The following PIEZO1 variants were observed in gnomAD, a reference collection of about 807,000 sequenced individuals.
PIEZO1 encodes piezo-type mechanosensitive ion channel component 1.
A neutral mutation model predicts 297.2 loss-of-function variants in PIEZO1; 296 were observed. The observed-to-expected ratio is 1.00, with a 90% confidence interval of 0.91 to 1.10. The LOEUF (loss-of-function observed/expected upper bound fraction) is 1.10, where lower values mean the gene tolerates loss of function less well. Ranked by LOEUF, PIEZO1 falls within the 50% of genes least tolerant of loss-of-function variation. The pLI is 0.00. For synonymous variants in PIEZO1, 2,427 were observed against 1,507.5 expected (o/e 1.61, Z -14.13); for missense variants, 5,018 against 3,455.5 (o/e 1.45, Z -11.34).
Position 88,727,542 on chromosome 16 carries a change from G to C in PIEZO1, c.3301+15C>G. 1.8e-6 allele frequency: 2 copies of C among 1,109,500 alleles called. No individual in the cohort carries two copies. The highest frequency in any genetic ancestry group is 2.6e-6 in the Non-Finnish European group (2 of 766,780). 68.7% of individuals were successfully genotyped at this position (1,109,500 alleles called of 1,614,324 possible). A position where few individuals can be genotyped will look rare whatever the true frequency, so the allele number is the denominator to read the frequency against. ...AGGGTCCTCTGCAGAGGCGGGGGTG[G>C]TGGGGGGCACTCACTGATGAGGTTG... On this transcript the variant is annotated intron_variant, in intron 23 of 50. Transcript: ENST00000301015.
intron 2 of PIEZO1, among the ~76,000 whole-genome samples, chr16:88,746,311 G>C (rs1343379798): frequency 3.3e-5 from 5 of 152,172 alleles, no homozygotes; most frequent in Non-Finnish European, 7.4e-5. Flanking sequence ...TCTCTCTCCA[G>C]ACAGCAGGGT....
intron 1 of PIEZO1, among the ~76,000 whole-genome samples, chr16:88,758,102 C>G (rs1297818442): frequency 6.6e-6 from 1 of 152,108 alleles, no homozygotes; most frequent in African/African-American, 2.4e-5. Context: ...TCCCCAGGAG[C>G]CTCCTCAGCC....
At chr16:88,730,754 A>C (rs1307756442) in intron 22 of PIEZO1, among the ~76,000 whole-genome samples, 1 of 152,224 alleles carries the variant, frequency 6.6e-6, no homozygotes, top group Non-Finnish European at 1.5e-5. Context: ...ATGATGTAAC[A>C]GTGTGTGGCC....
intron 1 of PIEZO1, among the ~76,000 whole-genome samples, chr16:88,770,000 C>T (rs113565159): frequency 0.026 from 3,885 of 152,244 alleles, 165 homozygotes; most frequent in African/African-American, 0.087. Flanking sequence ...CCTGGAGGCT[C>T]GGGACCCCCA....
Position 88,749,573 on chromosome 16 carries a change from C to G in PIEZO1, c.65-94G>C, listed in dbSNP as rs1032885814. 3.1e-6 allele frequency: 3 copies of G among 960,944 alleles called. No individual in the cohort carries two copies. In the African/African-American group the frequency reaches 5.0e-5, roughly 16 times the overall value. 59.5% of individuals were successfully genotyped at this position (960,944 alleles called of 1,614,324 possible). A position where few individuals can be genotyped will look rare whatever the true frequency, so the allele number is the denominator to read the frequency against. ...ACCCACGGCCCAGCTCGTCACACCG[C>G]CGAGGCCGTGTGCCCTGTGAGTGCT... is the stretch of plus-strand genomic sequence containing the variant. On this transcript the variant is annotated intron_variant, in intron 1 of 50. Transcript: ENST00000301015.
chr16:88,728,276 C>T (rs537643104), intron 22 of PIEZO1, among the ~76,000 whole-genome samples: 13 of 152,384 alleles, frequency 8.5e-5, no homozygotes, highest in Admixed American at 2.6e-4. Flanking sequence ...TCCTGGGAGG[C>T]GTGTGAGGCA....
At chr16:88,739,923 C>G (rs1905527062) in intron 5 of PIEZO1, 1 of 152,448 alleles carries the variant, frequency 6.6e-6, no homozygotes, top group Admixed American at 6.5e-5. Context: ...GTGGAAAGAA[C>G]AGAGGCAGCT....
chr16:88,776,680 G>C (rs1002593643), intron 1 of PIEZO1, among the ~76,000 whole-genome samples: 2 of 152,240 alleles, frequency 1.3e-5, no homozygotes, highest in African/African-American at 2.4e-5. Context: ...CAGGGGCAGA[G>C]TAGGGGATTC....
At chr16:88,730,405 C>T (rs906645502) in intron 22 of PIEZO1, among the ~76,000 whole-genome samples, 1 of 151,942 alleles carries the variant, frequency 6.6e-6, no homozygotes, top group East Asian at 1.9e-4. Flanking sequence ...CAAGACCAGC[C>T]TGGCCAAGAT....
intron 44 of PIEZO1, chr16:88,718,248 T>G (rs1912190507): frequency 6.5e-6 from 1 of 153,778 alleles, no homozygotes; most frequent in Non-Finnish European, 1.4e-5. Flanking sequence ...AGTAACAGGT[T>G]GTTGAGGATG....
chr16:88,782,622 A>C (rs1201120548), intron 1 of PIEZO1, among the ~76,000 whole-genome samples: 1 of 152,236 alleles, frequency 6.6e-6, no homozygotes, highest in African/African-American at 2.4e-5. Flanking sequence ...TGTCTGAGCC[A>C]GCGCAGGCAC....
In PIEZO1 at chr16:88,734,675, T is replaced by G; in HGVS notation, c.1972A>C (p.Asn658His). ...QFQDFPAYWR[N>H]LTGFTDEQLG... ...TGCTCGTCGGTGAAGCCAGTGAGGT[T>G]GCGCCAGTAGGCAGGGAAGTCCTGG... The change falls in exon 15 of 51, where the codon AAC (asparagine) becomes CAC (histidine). Residue 658 changes from asparagine (N) to histidine (H), a missense_variant. Coordinates refer to ENST00000301015, the MANE Select transcript of PIEZO1 (RefSeq NM_001142864.4). 1 of 1,550,278 alleles carries G rather than the reference T, an allele frequency of 6.5e-7. No homozygotes were observed. Among genetic ancestry groups the G allele is most frequent in the Non-Finnish European group, 8.7e-7 (1 of 1,146,920 alleles).
chr16:88,716,794 G>A lies in PIEZO1; in HGVS notation c.6753+12C>T. On this transcript the variant is annotated intron_variant, in intron 46 of 50. Coordinates refer to ENST00000301015, the MANE Select transcript of PIEZO1 (RefSeq NM_001142864.4). ...TCCCCACACCAGCTTTCACAGGGCAGAGGCCACTTACCGGCTGGGGGTCAA... is the reference window on the plus strand; with the variant it reads ...TCCCCACACCAGCTTTCACAGGGCAAAGGCCACTTACCGGCTGGGGGTCAA... 6.5e-7 allele frequency: 1 copy of A among 1,549,792 alleles called. No individual in the cohort carries two copies. Among genetic ancestry groups the A allele is most frequent in the Non-Finnish European group, 8.7e-7 (1 of 1,146,932 alleles).
Position 88,715,376 on chromosome 16 carries a change from TAAA to T in PIEZO1, c.*226_*228del, listed in dbSNP as rs113700874. ...TTGTATAAATAAAACATTTTTTAAT[TAAA>T]AAAAAAACTCTACAGTACACGTGGG... On this transcript the variant is annotated 3_prime_UTR_variant, in exon 51 of 51. Transcript: ENST00000301015. 3 of 1,087,758 alleles carry T rather than the reference TAAA, an allele frequency of 2.8e-6. No individual in the cohort carries two copies. Among genetic ancestry groups the T allele is most frequent in the Non-Finnish European group, 3.8e-6 (3 of 789,740 alleles). The allele number at this position is 1,087,758 out of a possible 1,614,324, so 67.4% of individuals were successfully genotyped here.
Position 88,785,101 on chromosome 16 carries a change from T to C in PIEZO1, c.-137A>G, listed in dbSNP as rs1395579747. On this transcript the variant is annotated 5_prime_UTR_variant, in exon 1 of 51. Transcript: ENST00000301015. ...CGCCTTCTCCTCTTCCTCCTTCTCCTTCGGCCGCCCCGCCGGTGCCGACGT... is the reference window on the plus strand; with the variant it reads ...CGCCTTCTCCTCTTCCTCCTTCTCCCTCGGCCGCCCCGCCGGTGCCGACGT... 9.1e-6 allele frequency: 4 copies of C among 437,318 alleles called. No homozygotes were observed. The highest frequency in any genetic ancestry group is 1.0e-4 in the East Asian group (2 of 19,102). 27.1% of individuals were successfully genotyped at this position (437,318 alleles called of 1,614,324 possible).
chr16:88,755,290 C>A (rs57566212), intron 1 of PIEZO1, among the ~76,000 whole-genome samples: 34,378 of 152,228 alleles, frequency 0.23, 4,584 homozygotes, highest in African/African-American at 0.37. Context: ...TGCTGATTAA[C>A]CCCGGGTCTC....
rs765389770 is a variant in PIEZO1 at position 88,716,676 on chromosome 16, A to G, written c.6809T>C (p.Ile2270Thr). 10 of 1,549,160 alleles carry G rather than the reference A, an allele frequency of 6.5e-6. No individual in the cohort carries two copies. In the East Asian group the frequency reaches 7.3e-5, roughly 11 times the overall value. ...YSPEDIVTAQ[I>T]EGSSGALWRI... ...CCACAGCGCCCCGGAGCTGCCCTCA[A>G]TCTGCGCCGTGACGATGTCCTCAGG... is the stretch of plus-strand genomic sequence containing the variant. The change falls in exon 47 of 51, where the codon ATT becomes ACT. Residue 2270 changes from isoleucine to threonine, a missense_variant. Physicochemically the swap from Ile to Thr is moderately conservative, Grantham distance 89 (BLOSUM62 -1). Transcript: ENST00000301015.
chr16:88,726,602 G>A lies in PIEZO1; in HGVS notation c.3741C>T (p.Phe1247=). 4 of 1,545,866 alleles carry A rather than the reference G, an allele frequency of 2.6e-6. No individual in the cohort carries two copies. The South Asian group carries it at 3.6e-5, about 14-fold the overall frequency. Residue 1247 remains phenylalanine, a synonymous_variant, in exon 26 of 51, where the codon TTC becomes TTT. Transcript: ENST00000301015. ...GGCTGAAGAGCTGGATGACCCAGCA[G>A]AAGCCGGTCTGCATCTGCTCCACGA... The part of the protein sequence containing the change: ...CVFVEQMQTG[F]CWVIQLFSLV...
chr16:88,722,607 G>C lies in PIEZO1; in HGVS notation c.4751C>G (p.Pro1584Arg), dbSNP rs1328846903. The change falls in exon 35 of 51, where the codon CCC becomes CGC. Residue 1584 changes from proline (P) to arginine (R), a missense_variant. By Grantham distance (103) the Pro-to-Arg change is moderately radical. Transcript: ENST00000301015. Reference sequence around the variant, plus strand: ...CCTGGACACGGTGCTTGGGGCATTGGGGGCCTCGGTGGGGCCTGGCAGCGT... The same window carrying C: ...CCTGGACACGGTGCTTGGGGCATTGCGGGCCTCGGTGGGGCCTGGCAGCGT... ...EATLPGPTEA[P>R]NAPSTVSSGL... is the part of the protein sequence containing the mutation. 2.6e-6 allele frequency: 4 copies of C among 1,537,714 alleles called. No homozygotes were observed. The highest frequency in any genetic ancestry group is 3.5e-6 in the Non-Finnish European group (4 of 1,145,214).
Sources: gnomAD v4.1 joint callset for allele counts (sites outside exome capture counted in the v4.1 genomes callset) on GRCh38, gnomAD v4.1.1 for gene constraint, MANE v1.5 for transcripts, NCBI Gene and HGNC (gene_info 2026-07-23, HGNC 2026-07-21) for gene names.